Variants in GALNT13 observed in about 807,000 individuals in gnomAD.
GALNT13 encodes UDP-GalNAc:polypeptide N-acetylgalactosaminyltransferase 13.
GALNT13 carries 28 observed loss-of-function variants against 64.2 expected under a neutral mutation model. That is an observed-to-expected ratio of 0.44 (90% CI 0.32 to 0.60). The LOEUF (loss-of-function observed/expected upper bound fraction) is 0.60, where lower values mean the gene tolerates loss of function less well. GALNT13 is among the 20% of genes least tolerant of loss of function. The pLI, the probability that GALNT13 is intolerant of heterozygous loss-of-function variation, is 0.05. For synonymous variants in GALNT13, 214 were observed against 224.6 expected, an observed-to-expected ratio of 0.95 and a Z score of 0.42; for missense variants, 577 against 669.8, an observed-to-expected ratio of 0.86 and a Z score of 1.53.
chr2:153,902,637 G>T (rs1688312453), intron 2 of GALNT13, among the ~76,000 whole-genome samples: 1 of 152,114 alleles, frequency 6.6e-6, no homozygotes, highest in Non-Finnish European at 1.5e-5. Context: ...CAAGACCTAA[G>T]GTCATAGCAG....
At chr2:153,445,242 A>T in the GALNT13 span, among the ~76,000 whole-genome samples, 1 of 152,216 alleles carries the variant, frequency 6.6e-6, no homozygotes, top group Non-Finnish European at 1.5e-5. Flanking sequence ...CAAGTAGAAT[A>T]TTAGAATATC....
the GALNT13 span, chr2:153,478,416 G>A: frequency 1.9e-6 from 3 of 1,614,000 alleles, no homozygotes; most frequent in Non-Finnish European, 1.7e-6. Context: ...TTATGTACAG[G>A]CTACGCTCGT....
At chr2:153,290,176 G>C in the GALNT13 span, among the ~76,000 whole-genome samples, 1 of 151,932 alleles carries the variant, frequency 6.6e-6, no homozygotes, top group African/African-American at 2.4e-5. Flanking sequence ...AGATTGCTTT[G>C]TTCAAAATTG....
intron 4 of GALNT13, among the ~76,000 whole-genome samples, chr2:154,198,840 A>G (rs1687020329): frequency 6.6e-6 from 1 of 152,082 alleles, no homozygotes; most frequent in South Asian, 2.1e-4. Context: ...AATACAAAAT[A>G]GAGGTTTAGA....
chr2:154,270,677 ATAAATTAGTAAAT>A (rs1266864875), intron 8 of GALNT13, among the ~76,000 whole-genome samples: 55 of 152,076 alleles, frequency 3.6e-4, no homozygotes, highest in African/African-American at 1.3e-3. Context: ...TAAAGTGAAA[ATAAATTAGTAAAT>A]AAAATTGCAC....
At chr2:154,150,673 G>A (rs950545254) in intron 4 of GALNT13, among the ~76,000 whole-genome samples, 3 of 152,236 alleles carry the variant, frequency 2.0e-5, no homozygotes, top group Admixed American at 6.5e-5. Flanking sequence ...TGTTTGTGTC[G>A]AGGAATTTAT....
chr2:153,769,159 A>G, the GALNT13 span, among the ~76,000 whole-genome samples: 1 of 152,066 alleles, frequency 6.6e-6, no homozygotes, highest in Non-Finnish European at 1.5e-5. Context: ...TTGTTTTGGC[A>G]TTTCAGTTGT....
At chr2:153,633,653 T>C in the GALNT13 span, among the ~76,000 whole-genome samples, 16 of 152,306 alleles carry the variant, frequency 1.1e-4, no homozygotes, top group Admixed American at 8.5e-4. Context: ...CTCTTTGCCA[T>C]GTTTTTCAGG....
At chr2:154,201,929 G>A (rs1687193693) in intron 4 of GALNT13, among the ~76,000 whole-genome samples, 1 of 152,090 alleles carries the variant, frequency 6.6e-6, no homozygotes, top group Non-Finnish European at 1.5e-5. Context: ...TCAAGACTCA[G>A]CAAGAGTCAC....
rs200946448 is a variant in GALNT13 at position 154,031,300 on chromosome 2, T to G, written c.142+86661T>G. 2.0e-5 allele frequency among the ~76,000 whole-genome samples: 3 copies of G among 152,040 alleles called. No homozygotes were observed. In the East Asian group the frequency reaches 5.8e-4, roughly 29 times the overall value. ...TAAGTGAATACCAGAGGTAATATGG[T>G]ATCATAAAATATATTTAATCAAAAA... is the stretch of plus-strand genomic sequence containing the variant. On this transcript the variant is annotated intron_variant, in intron 3 of 12. Transcript: ENST00000392825.
the GALNT13 span, among the ~76,000 whole-genome samples, chr2:153,858,088 G>A: frequency 2.0e-5 from 3 of 152,180 alleles, no homozygotes; most frequent in Non-Finnish European, 4.4e-5. Flanking sequence ...AAGAGAGATA[G>A]GTGTATCAAG....
At chr2:154,059,875 G>A (rs998054805) in intron 3 of GALNT13, among the ~76,000 whole-genome samples, 2 of 152,134 alleles carry the variant, frequency 1.3e-5, no homozygotes, top group East Asian at 1.9e-4. Context: ...GTGTGGGCAC[G>A]GTTAAGAGAA....
chr2:153,733,021 C>T, the GALNT13 span, among the ~76,000 whole-genome samples: 58 of 152,142 alleles, frequency 3.8e-4, 3 homozygotes, highest in East Asian at 0.011. Context: ...CATGAGGCAA[C>T]ATATCTAAGG....
the GALNT13 span, among the ~76,000 whole-genome samples, chr2:153,575,865 G>A: frequency 6.6e-6 from 1 of 152,148 alleles, no homozygotes; most frequent in African/African-American, 2.4e-5. Context: ...GCAGGTACTT[G>A]AAGGCAGCCC....
chr2:153,898,035 T>C (rs1687993598), intron 1 of GALNT13, among the ~76,000 whole-genome samples: 1 of 152,062 alleles, frequency 6.6e-6, no homozygotes, highest in South Asian at 2.1e-4. Flanking sequence ...GTTGAGTGGA[T>C]TTTTTGTGAG....
the GALNT13 span, among the ~76,000 whole-genome samples, chr2:153,653,631 A>G: frequency 1.3e-5 from 2 of 152,178 alleles, no homozygotes. Context: ...CTCGCTCCCC[A>G]GAAAAAGACC....
the GALNT13 span, chr2:153,173,479 C>G: frequency 6.6e-6 from 1 of 152,228 alleles, no homozygotes; most frequent in East Asian, 1.9e-4. Flanking sequence ...ATCCCTGCCT[C>G]TGTCATTATA....
intron 4 of GALNT13, among the ~76,000 whole-genome samples, chr2:154,225,683 A>G (rs1043567859): frequency 6.6e-6 from 1 of 152,144 alleles, no homozygotes; most frequent in Admixed American, 6.6e-5. Flanking sequence ...GTTTTATTTT[A>G]TCATAGTTTT....
chr2:153,713,908 A>C, the GALNT13 span, among the ~76,000 whole-genome samples: 1 of 152,302 alleles, frequency 6.6e-6, no homozygotes, highest in East Asian at 1.9e-4. Context: ...AAGTGATACA[A>C]TTTGCTGCCA....
Sources: allele counts gnomAD v4.1 joint callset (sites outside exome capture counted in the v4.1 genomes callset), GRCh38; gene constraint gnomAD v4.1.1; transcripts MANE v1.5; gene names NCBI Gene and HGNC (gene_info 2026-07-23, HGNC 2026-07-21).